OSTC: variants seen among roughly 807,000 people sequenced by gnomAD.
OSTC encodes the protein oligosaccharyltransferase complex subunit OSTC.
In OSTC, 16 loss-of-function variants were observed where a neutral mutation model predicts 16.4. That is an observed-to-expected ratio of 0.98 (90% CI 0.66 to 1.49). OSTC has a LOEUF of 1.49. Among genes scored for constraint, OSTC ranks in the 40% most tolerant of loss-of-function variants. OSTC has a pLI of 0.00. For missense variants in OSTC, 139 were observed against 186.3 expected (o/e 0.75, Z 1.48); for synonymous variants, 67 against 68.5 (o/e 0.98, Z 0.11).
At chr4:108,658,677 A>G (rs1237323996) in intron 3 of OSTC, among the ~76,000 whole-genome samples, 1 of 152,152 alleles carries the variant, frequency 6.6e-6, no homozygotes, top group Non-Finnish European at 1.5e-5. Context: ...CACAAATATT[A>G]GCTCTTAGTA....
chr4:108,653,474 C>A (rs1361351888), intron 1 of OSTC, among the ~76,000 whole-genome samples: 2 of 152,028 alleles, frequency 1.3e-5, no homozygotes, highest in Non-Finnish European at 2.9e-5. Flanking sequence ...TTAGACTATA[C>A]AAGGTTTATG....
chr4:108,651,130 A>G (rs112104539), intron 1 of OSTC: 5,843 of 239,654 alleles, frequency 0.024, 98 homozygotes, highest in Non-Finnish European at 0.033. Flanking sequence ...GTCCTGGGAA[A>G]GCCTAATTTG....
chr4:108,661,035 G>A (rs1726843386), intron 3 of OSTC, among the ~76,000 whole-genome samples: 1 of 151,882 alleles, frequency 6.6e-6, no homozygotes, highest in Admixed American at 6.6e-5. Context: ...TGGTCAACGT[G>A]GTGAAAACCA....
intron 3 of OSTC, among the ~76,000 whole-genome samples, chr4:108,663,910 A>G (rs1260940248): frequency 6.6e-6 from 1 of 152,148 alleles, no homozygotes; most frequent in Non-Finnish European, 1.5e-5. Flanking sequence ...TTCTTGATTT[A>G]CTTTTTATTG....
intron 3 of OSTC, among the ~76,000 whole-genome samples, chr4:108,658,971 C>CTTTTTTT (rs766585998): frequency 2.6e-4 from 22 of 83,894 alleles, no homozygotes; most frequent in African/African-American, 7.4e-4. Context: ...GGCAGCAGCT[C>CTTTTTTT]TTTTTTTTTT....
chr4:108,656,614 G>T (rs1237260741), intron 2 of OSTC, among the ~76,000 whole-genome samples: 1 of 151,692 alleles, frequency 6.6e-6, no homozygotes. Flanking sequence ...CATATAATTA[G>T]AGGGGTTTGT....
chr4:108,666,020 G>C (rs892446753), intron 3 of OSTC, among the ~76,000 whole-genome samples: 2 of 152,124 alleles, frequency 1.3e-5, no homozygotes, highest in Non-Finnish European at 2.9e-5. Context: ...GGGGATTTCA[G>C]GGCCTAACTT....
intron 1 of OSTC, 21 bp downstream of exon 1, chr4:108,650,815 C>G (rs772306097): frequency 1.1e-5 from 18 of 1,613,576 alleles, no homozygotes; most frequent in Admixed American, 3.3e-5. Flanking sequence ...CTGTCGGGCC[C>G]GAGAGGCTGA....
At chr4:108,659,655 G>A (rs1376059326) in intron 3 of OSTC, among the ~76,000 whole-genome samples, 1 of 152,124 alleles carries the variant, frequency 6.6e-6, no homozygotes, top group Non-Finnish European at 1.5e-5. Context: ...TGTAGTCCCA[G>A]CTACTCGGGA....
At chr4:108,660,354 C>G (rs920681419) in intron 3 of OSTC, among the ~76,000 whole-genome samples, 1 of 152,042 alleles carries the variant, frequency 6.6e-6, no homozygotes. Flanking sequence ...CTCCTAATGC[C>G]TGGTACCTTG....
intron 1 of OSTC, among the ~76,000 whole-genome samples, chr4:108,654,418 T>G (rs1275289444): frequency 6.6e-6 from 1 of 151,942 alleles, no homozygotes; most frequent in Non-Finnish European, 1.5e-5. Flanking sequence ...AGAGGAGAGA[T>G]ATCCAAAGGA....
chr4:108,664,072 A>G (rs1377260109), intron 3 of OSTC, among the ~76,000 whole-genome samples: 1 of 151,150 alleles, frequency 6.6e-6, no homozygotes, highest in African/African-American at 2.5e-5. Context: ...ATCAAGAAGT[A>G]TAGTAATGTA....
chr4:108,663,400 A>T (rs1027749719), intron 3 of OSTC: 1 of 332,524 alleles, frequency 3.0e-6, no homozygotes, highest in Non-Finnish European at 5.9e-6. Context: ...TTTAGTAGAG[A>T]TGGGGTTTCA....
At chr4:108,651,229 T>TTG (rs1560621414) in intron 1 of OSTC, 2 of 165,376 alleles carry the variant, frequency 1.2e-5, no homozygotes, top group East Asian at 3.4e-4. Flanking sequence ...GGTCAAGAGC[T>TTG]TGTGGGACTT....
chr4:108,655,870 C>T (rs1726686161), intron 2 of OSTC, among the ~76,000 whole-genome samples: 1 of 152,076 alleles, frequency 6.6e-6, no homozygotes, highest in Non-Finnish European at 1.5e-5. Context: ...AATGATGTAT[C>T]ACCAATTTAC....
chr4:108,654,191 CCTT>C (rs1726636119), intron 1 of OSTC, among the ~76,000 whole-genome samples: 1 of 152,060 alleles, frequency 6.6e-6, no homozygotes, highest in Admixed American at 6.6e-5. Flanking sequence ...TCATTGGTGA[CCTT>C]AGAAAGAGCA....
chr4:108,652,055 T>C (rs1726568322), intron 1 of OSTC: 1 of 152,234 alleles, frequency 6.6e-6, no homozygotes, highest in Admixed American at 6.5e-5. Context: ...TAATAGCTAC[T>C]GTACTGAATA....
intron 3 of OSTC, among the ~76,000 whole-genome samples, chr4:108,659,172 A>G (rs928113224): frequency 8.2e-6 from 1 of 122,272 alleles, no homozygotes; most frequent in Non-Finnish European, 1.7e-5. Flanking sequence ...AGTAGAGACA[A>G]GTTTTCACTA....
chr4:108,657,582 C>T lies in OSTC; in HGVS notation c.366C>T (p.Phe122=). 6.2e-7 allele frequency: 1 copy of T among 1,613,706 alleles called. No individual in the cohort carries two copies. Among genetic ancestry groups the T allele is most frequent in the Non-Finnish European group, 8.5e-7 (1 of 1,179,766 alleles). The change falls in exon 3 of 4, where the codon TTC becomes TTT. Residue 122 remains phenylalanine, a synonymous_variant. Coordinates refer to ENST00000361564, the MANE Select transcript of OSTC (RefSeq NM_021227.4). Reference sequence around the variant, plus strand: ...AACTCAATAGATTCCTTCTTCTGTTCATTGGATTCGTCTGTGTCCTATTGA... The same window carrying T: ...AACTCAATAGATTCCTTCTTCTGTTTATTGGATTCGTCTGTGTCCTATTGA... ...IPKLNRFLLL[F]IGFVCVLLSF... is the part of the protein sequence containing the mutation.
Sources: allele counts gnomAD v4.1 joint callset (sites outside exome capture counted in the v4.1 genomes callset), GRCh38; gene constraint gnomAD v4.1.1; transcripts MANE v1.5; gene names NCBI Gene and HGNC (gene_info 2026-07-23, HGNC 2026-07-21).